HMCN1: variants seen among roughly 807,000 people sequenced by gnomAD.
HMCN1 encodes hemicentin 1.
In HMCN1, 321 loss-of-function variants were observed where a neutral mutation model predicts 625.9. The observed-to-expected ratio is 0.51, with a 90% confidence interval of 0.47 to 0.56. The LOEUF is 0.56. Among genes scored for constraint, HMCN1 ranks in the 20% least tolerant of loss-of-function variants. The probability of loss-of-function intolerance (pLI) is 0.00; values close to 1 mark genes in which losing one functional copy is unlikely to be tolerated. For missense variants in HMCN1, 6,588 were observed against 6,887.3 expected (o/e 0.96, Z 1.54); for synonymous variants, 2,425 against 2,417.6 (o/e 1.00, Z -0.09).
rs572790212 is a variant in HMCN1, at chr1:186,114,131, T to C, written c.11276+8T>C. ...AGCTGGGAATCATGCAAGGTAACCA[T>C]ACTGGAAAATTAAAAAATGCTATAA... On this transcript the variant is annotated splice_region_variant and intron_variant, in intron 73 of 106. Transcript: ENST00000271588. 3.7e-6 allele frequency: 6 copies of C among 1,613,982 alleles called. No individual in the cohort carries two copies. The highest frequency in any genetic ancestry group is 2.2e-5 in the East Asian group (1 of 44,868).
chr1:185,954,262 T>C (rs1434678355), intron 11 of HMCN1, among the ~76,000 whole-genome samples: 1 of 152,200 alleles, frequency 6.6e-6, no homozygotes, highest in Non-Finnish European at 1.5e-5. Flanking sequence ...CAGTTCCTAT[T>C]ATGTTTTCAG....
chr1:185,735,132 A>G lies in HMCN1; in HGVS notation c.268+85A>G, dbSNP rs2102056405. 2.1e-6 allele frequency: 3 copies of G among 1,446,214 alleles called. No homozygotes were observed. In the South Asian group the frequency reaches 3.5e-5, roughly 17 times the overall value. 89.6% of individuals were successfully genotyped at this position (1,446,214 alleles called of 1,614,324 possible). On this transcript the variant is annotated intron_variant, in intron 1 of 106. Coordinates refer to ENST00000271588, the MANE Select transcript of HMCN1 (RefSeq NM_031935.3). ...CTGTGAATGAAATTGTTTGTCAGGA[A>G]GTTTCAAAACCATTTTAAAAAAATG...
At chr1:185,968,440 G>C (rs1170852232) in intron 14 of HMCN1, among the ~76,000 whole-genome samples, 2 of 151,166 alleles carry the variant, frequency 1.3e-5, no homozygotes, top group African/African-American at 4.8e-5. Context: ...TTAAAAATAA[G>C]TGAATGCATG....
rs1257101354 is a variant in HMCN1 at position 186,137,810 on chromosome 1, A to G, written c.13762A>G (p.Ser4588Gly). ...GGTTCACCTTTGTATAGTGGATGGT[A>G]GCTGGTCGGAATGGAGTCTTTGGGA... ...CQNKPCPVDGSWSEWSLWEEC... is the reference protein window; with the variant it reads ...CQNKPCPVDGGWSEWSLWEEC... The change falls in exon 89 of 107, where the codon AGC (serine) becomes GGC (glycine). Residue 4588 changes from serine (S) to glycine (G), a missense_variant. By Grantham distance (56) the Ser-to-Gly change is moderately conservative. Coordinates refer to ENST00000271588, the MANE Select transcript of HMCN1 (RefSeq NM_031935.3). 6.2e-7 allele frequency: 1 copy of G among 1,613,978 alleles called. No individual in the cohort carries two copies. The highest frequency in any genetic ancestry group is 8.5e-7 in the Non-Finnish European group (1 of 1,179,994).
chr1:185,977,107 A>G (rs996176387), intron 15 of HMCN1, among the ~76,000 whole-genome samples: 1 of 152,090 alleles, frequency 6.6e-6, no homozygotes, highest in Non-Finnish European at 1.5e-5. Context: ...GTAGCCTCTT[A>G]TCTATAATTT....
At chr1:186,112,619 C>T (rs182314713) in intron 71 of HMCN1, among the ~76,000 whole-genome samples, 193 bp from the exon 72 acceptor site, 2 of 152,326 alleles carry the variant, frequency 1.3e-5, no homozygotes, top group African/African-American at 2.4e-5. Flanking sequence ...CTGCCTCTGC[C>T]TTTGACTTAA....
rs1652262428 is a variant in HMCN1, at chr1:186,172,021, G to T, written c.15704G>T (p.Arg5235Ile). Reference protein sequence around the residue: ...GRKCMDVNECRQNVCRPDQHC... With the variant: ...GRKCMDVNECIQNVCRPDQHC... ...TTTTATCAAGATGTGAACGAGTGTA[G>T]ACAAAATGTATGCAGACCAGATCAG... Residue 5235 changes from arginine to isoleucine, a missense_variant, in exon 102 of 107, where the codon AGA becomes ATA. This residue lies in a region of HMCN1 where 1,954 missense variants were observed against 2,013.1 expected (regional missense o/e 0.97). Transcript: ENST00000271588. 1 of 1,613,512 alleles carries T rather than the reference G, an allele frequency of 6.2e-7. No individual in the cohort carries two copies. The highest frequency in any genetic ancestry group is 1.1e-5 in the South Asian group (1 of 91,056).
At position 186,087,946 on chromosome 1, in the gene HMCN1, C is replaced by T; in HGVS notation, c.9378C>T (p.Gly3126=). 1.9e-6 allele frequency: 3 copies of T among 1,612,490 alleles called. No homozygotes were observed. Among genetic ancestry groups the T allele is most frequent in the Non-Finnish European group, 1.7e-6 (2 of 1,178,962 alleles). ...HIKKAEVSDT[G]QYVCRAINVA... is the part of the protein sequence containing the mutation. ...TTTTCTTTTAGGTATCTGACACAGG[C>T]CAGTATGTATGTAGAGCTATAAATG... Residue 3126 remains glycine (G), a synonymous_variant, in exon 61 of 107, where the codon GGC becomes GGT. Coordinates refer to ENST00000271588, the MANE Select transcript of HMCN1 (RefSeq NM_031935.3).
At chr1:185,983,127 A>G (rs759194637) in intron 18 of HMCN1, among the ~76,000 whole-genome samples, 20 of 152,160 alleles carry the variant, frequency 1.3e-4, no homozygotes, top group Non-Finnish European at 2.5e-4. Flanking sequence ...CTCATTATGA[A>G]CTATATAAAA....
chr1:186,001,751 A>T lies in HMCN1; in HGVS notation c.4348+10A>T. 6.2e-7 allele frequency: 1 copy of T among 1,607,658 alleles called. No homozygotes were observed. Among genetic ancestry groups the T allele is most frequent in the Non-Finnish European group, 8.5e-7 (1 of 1,174,686 alleles). On this transcript the variant is annotated intron_variant, in intron 28 of 106. Transcript: ENST00000271588. Reference sequence around the variant, plus strand: ...AACATTGATGTGCTAGGTAAGAAATACATCCTTTTAAAAAACTACAATTCA... The same window carrying T: ...AACATTGATGTGCTAGGTAAGAAATTCATCCTTTTAAAAAACTACAATTCA...
intron 36 of HMCN1, among the ~76,000 whole-genome samples, chr1:186,028,547 G>C (rs1655209029): frequency 1.3e-5 from 2 of 152,132 alleles, no homozygotes; most frequent in South Asian, 4.1e-4. Context: ...GTGCTTTGCA[G>C]GCAGGATTAT....
At chr1:186,082,800 AT>A in intron 56 of HMCN1, 64 bp from the exon 57 acceptor site, 2 of 831,690 alleles carry the variant, frequency 2.4e-6, no homozygotes, top group Non-Finnish European at 3.7e-6. Flanking sequence ...ATTCTAAAAA[AT>A]AGACAAATAT....
At chr1:185,985,059 G>C (rs545293612) in intron 19 of HMCN1, among the ~76,000 whole-genome samples, 1 of 152,172 alleles carries the variant, frequency 6.6e-6, no homozygotes, top group African/African-American at 2.4e-5. Context: ...TTTATTTAGA[G>C]TGTGAATTGG....
chr1:186,042,958 G>T (rs1199772898), intron 40 of HMCN1, among the ~76,000 whole-genome samples: 2 of 151,954 alleles, frequency 1.3e-5, no homozygotes, highest in East Asian at 1.9e-4. Flanking sequence ...ATTATGAGTA[G>T]TTCATTAACA....
chr1:185,993,157 C>A, intron 22 of HMCN1, 25 bp from the exon 23 acceptor site: 2 of 1,605,716 alleles, frequency 1.2e-6, no homozygotes, highest in South Asian at 2.2e-5. Flanking sequence ...CTTCCATGGT[C>A]TACTATATGG....
Position 185,915,037 on chromosome 1 carries a change from A to C in HMCN1, c.900+3257A>C, listed in dbSNP as rs147463698. Among the ~76,000 whole-genome samples the C allele has an allele frequency of 4.2e-3, 636 of 152,120 alleles. 6 individuals are homozygous for C. The highest frequency in any genetic ancestry group is 0.014 in the African/African-American group (600 of 41,552). On this transcript the variant is annotated intron_variant, in intron 6 of 106. Coordinates refer to ENST00000271588, the MANE Select transcript of HMCN1 (RefSeq NM_031935.3). ...CGTTTACGATTTAAAATGATAAGAG[A>C]GTGGCAGTTTCTTTTCTTCTGTGAT...
At chr1:185,863,072 G>A (rs565477934) in intron 2 of HMCN1, among the ~76,000 whole-genome samples, 69 of 152,306 alleles carry the variant, frequency 4.5e-4, no homozygotes, top group African/African-American at 1.6e-3. Context: ...ATCAGAATAT[G>A]AGACTGTTGG....
Position 185,989,491 on chromosome 1 carries a change from G to A in HMCN1, c.3052G>A (p.Gly1018Arg), listed in dbSNP as rs1334351124. 2.5e-6 allele frequency: 4 copies of A among 1,613,928 alleles called. No individual in the cohort carries two copies. Among genetic ancestry groups the A allele is most frequent in the Admixed American group, 1.7e-5 (1 of 60,012 alleles). The change falls in exon 21 of 107, where the codon GGA becomes AGA. Residue 1018 changes from glycine (G) to arginine (R), a missense_variant. Gly to Arg is a moderately radical substitution (Grantham distance 125, BLOSUM62 -2). Coordinates refer to ENST00000271588, the MANE Select transcript of HMCN1 (RefSeq NM_031935.3). ...TGCTTTTCGCCGTGTTTTGCAGAAA[G>A]GAGAGCTGATTTCAACCAGCAGTGC... is the stretch of plus-strand genomic sequence containing the variant. ...PKPSVIWSKK[G>R]ELISTSSAKF...
intron 4 of HMCN1, among the ~76,000 whole-genome samples, chr1:185,867,230 G>T (rs1420507492): frequency 6.6e-6 from 1 of 152,152 alleles, no homozygotes; most frequent in Non-Finnish European, 1.5e-5. Flanking sequence ...TTTATATTGT[G>T]TGCACTCTAG....
Sources: allele counts gnomAD v4.1 joint callset (sites outside exome capture counted in the v4.1 genomes callset), GRCh38; gene constraint gnomAD v4.1.1; regional missense constraint gnomAD v4.1.1; transcripts MANE v1.5; gene names NCBI Gene and HGNC (gene_info 2026-07-23, HGNC 2026-07-21).